LARS2: variants seen among roughly 807,000 people sequenced by gnomAD.
The protein encoded by LARS2 is leucyl-tRNA synthetase 2, mitochondrial.
In LARS2, 81 loss-of-function variants were observed where a neutral mutation model predicts 116.6. The observed-to-expected ratio is 0.69, with a 90% CI of 0.58 to 0.84. The LOEUF is 0.84. LARS2 is among the 40% of genes least tolerant of loss of function. The pLI is 0.00. For missense variants in LARS2, 968 were observed against 1,114.5 expected, an observed-to-expected ratio of 0.87 and a Z score of 1.87; for synonymous variants, 396 against 407.2, an observed-to-expected ratio of 0.97 and a Z score of 0.33.
intron 15 of LARS2, among the ~76,000 whole-genome samples, chr3:45,511,751 C>G (rs1185264149): frequency 6.8e-6 from 1 of 147,328 alleles, no homozygotes; most frequent in Non-Finnish European, 1.5e-5. Context: ...CCAGCCCCTT[C>G]TTGAGGCTTA....
rs751784781 is a variant in LARS2 at position 45,476,472 on chromosome 3, A to T, written c.863A>T (p.His288Leu). The stretch of plus-strand genomic sequence containing the variant: ...ACTCTTCTTTCCTATCACCAGGTTC[A>T]TGGGCAAGCCACGGGCGAAAAGCTG... ...GCHLDFTLKV[H>L]GQATGEKLTA... Residue 288 changes from histidine to leucine, a missense_variant, in exon 10 of 22, where the codon CAT becomes CTT. By Grantham distance (99) the His-to-Leu change is moderately conservative. Transcript: ENST00000645846. The T allele has an allele frequency of 5.0e-6, 8 of 1,614,072 alleles. No homozygotes were observed. The highest frequency in any genetic ancestry group is 1.6e-4 in the Middle Eastern group (1 of 6,084).
intron 10 of LARS2, among the ~76,000 whole-genome samples, chr3:45,485,153 C>T (rs914997590): frequency 3.3e-5 from 5 of 152,156 alleles, no homozygotes; most frequent in Admixed American, 1.3e-4. Flanking sequence ...ATGTCTGTCT[C>T]TTTCTTGATT....
intron 18 of LARS2, among the ~76,000 whole-genome samples, chr3:45,518,848 C>G (rs543273885): frequency 6.6e-6 from 1 of 152,274 alleles, no homozygotes; most frequent in South Asian, 2.1e-4. Context: ...TTTGTATAAC[C>G]TGAAGTGGCC....
At chr3:45,481,317 C>T (rs955286240) in intron 10 of LARS2, among the ~76,000 whole-genome samples, 11 of 152,124 alleles carry the variant, frequency 7.2e-5, no homozygotes, top group African/African-American at 2.7e-4. Flanking sequence ...ATAAATAATA[C>T]TTCTATGAAC....
At chr3:45,411,942 A>G (rs907727031) in intron 4 of LARS2, among the ~76,000 whole-genome samples, 3 of 151,926 alleles carry the variant, frequency 2.0e-5, no homozygotes, top group Admixed American at 6.6e-5. Context: ...AACATGTGGT[A>G]TTTGTTTTTT....
At chr3:45,398,931 AT>A (rs1698096549) in intron 3 of LARS2, among the ~76,000 whole-genome samples, 1 of 152,180 alleles carries the variant, frequency 6.6e-6, no homozygotes, top group South Asian at 2.1e-4. Flanking sequence ...TGCCTTATCC[AT>A]TCATGTGCAC....
intron 12 of LARS2, among the ~76,000 whole-genome samples, chr3:45,490,652 C>G (rs1472782794): frequency 6.6e-6 from 1 of 152,182 alleles, no homozygotes; most frequent in Non-Finnish European, 1.5e-5. Context: ...CTTTATGCCT[C>G]TTGACTGTAA....
intron 6 of LARS2, among the ~76,000 whole-genome samples, chr3:45,425,823 T>C (rs1171094539): frequency 6.6e-6 from 1 of 152,218 alleles, no homozygotes; most frequent in Non-Finnish European, 1.5e-5. Flanking sequence ...TCATCACACC[T>C]AAAACGCTTG....
intron 20 of LARS2, among the ~76,000 whole-genome samples, chr3:45,535,368 GA>G (rs1700685318): frequency 7.0e-6 from 1 of 143,852 alleles, no homozygotes; most frequent in East Asian, 2.0e-4. Context: ...AAAAAAAAAA[GA>G]AAAGAAAAGA....
chr3:45,442,497 T>TA (rs1698930026), intron 6 of LARS2, among the ~76,000 whole-genome samples: 2 of 152,266 alleles, frequency 1.3e-5, no homozygotes, highest in Admixed American at 6.5e-5. Context: ...GTCAGACAAC[T>TA]ACTTGGAGGC....
Position 45,517,943 on chromosome 3 carries a change from G to C in LARS2, c.2085G>C (p.Leu695=). 1 of 1,614,120 alleles carries C rather than the reference G, an allele frequency of 6.2e-7. No homozygotes were observed. Among genetic ancestry groups the C allele is most frequent in the Non-Finnish European group, 8.5e-7 (1 of 1,179,984 alleles). Residue 695 remains leucine, a synonymous_variant, in exon 18 of 22, where the codon CTG becomes CTC. Coordinates refer to ENST00000645846, the MANE Select transcript of LARS2 (RefSeq NM_015340.4). ...GGGTGCTGAGATGGCAACAACGACT[G>C]TGGACCTTGACAACTCGGTTTATTG... The part of the protein sequence containing the change: ...LPGVLRWQQR[L]WTLTTRFIEA...
At chr3:45,518,190 C>T (rs928345483) in intron 18 of LARS2, 118 bp downstream of exon 18, 91 of 692,698 alleles carry the variant, frequency 1.3e-4, no homozygotes, top group African/African-American at 1.3e-3. Flanking sequence ...GTCTTCCTTC[C>T]TGGCAATGGC....
At chr3:45,430,003 CTT>C (rs66989698) in intron 6 of LARS2, among the ~76,000 whole-genome samples, 1 of 56,952 alleles carries the variant, frequency 1.8e-5, no homozygotes, top group African/African-American at 7.6e-5. Flanking sequence ...TGCCCAGCCT[CTT>C]TTTTTTTTTT....
chr3:45,447,020 C>T (rs1428289053), intron 7 of LARS2, 40 bp downstream of exon 7: 6 of 1,209,834 alleles, frequency 5.0e-6, no homozygotes, highest in Non-Finnish European at 7.3e-6. Context: ...TTCAGTGAAT[C>T]TCTTTAGGAT....
intron 6 of LARS2, among the ~76,000 whole-genome samples, chr3:45,440,339 T>C (rs1286623861): frequency 6.6e-6 from 1 of 152,210 alleles, no homozygotes; most frequent in African/African-American, 2.4e-5. Flanking sequence ...TAAACATGTT[T>C]CCTTTTGATC....
chr3:45,471,673 G>T (rs1026631790), intron 8 of LARS2, among the ~76,000 whole-genome samples: 1 of 152,188 alleles, frequency 6.6e-6, no homozygotes, highest in Non-Finnish European at 1.5e-5. Flanking sequence ...ATGATGGAAA[G>T]ACATCAGATC....
intron 6 of LARS2, among the ~76,000 whole-genome samples, chr3:45,430,880 C>T (rs1011714593): frequency 1.7e-4 from 26 of 152,146 alleles, no homozygotes; most frequent in African/African-American, 5.8e-4. Context: ...CCACTGCGCC[C>T]GGCCCAATTT....
At position 45,395,013 on chromosome 3, in the gene LARS2, G is replaced by C. The variant is rs138628716; in HGVS notation, c.234+326G>C. 6.6e-5 allele frequency among the ~76,000 whole-genome samples: 10 copies of C among 152,272 alleles called. No homozygotes were observed. The East Asian group carries it at 1.7e-3, about 26-fold the overall frequency. On this transcript the variant is annotated intron_variant, in intron 3 of 21. Transcript: ENST00000645846. ...AGACAGCAGCAAACCAGGTGTTCTA[G>C]AGCAACATTTACTGGGGAAGCTCAT...
intron 20 of LARS2, among the ~76,000 whole-genome samples, chr3:45,524,601 G>C (rs1700507056): frequency 6.6e-6 from 1 of 152,118 alleles, no homozygotes. Context: ...TGTTAGCCTG[G>C]ACAAAACCAG....
Sources: gnomAD v4.1 joint callset for allele counts (sites outside exome capture counted in the v4.1 genomes callset) on GRCh38, gnomAD v4.1.1 for gene constraint, MANE v1.5 for transcripts, NCBI Gene and HGNC (gene_info 2026-07-23, HGNC 2026-07-21) for gene names.